CAMTA1: variants seen among roughly 807,000 people sequenced by gnomAD.
CAMTA1 encodes the protein calmodulin binding transcription activator 1.
A neutral mutation model predicts 170.9 loss-of-function variants in CAMTA1; 27 were observed. The observed-to-expected ratio is 0.16, with a 90% CI of 0.12 to 0.22. The LOEUF (loss-of-function observed/expected upper bound fraction) is 0.22, where lower values mean the gene tolerates loss of function less well. Ranked by LOEUF, CAMTA1 falls within the 10% of genes least tolerant of loss-of-function variation. The pLI is 1.00. For missense variants in CAMTA1, 1,619 were observed against 2,217.2 expected, an observed-to-expected ratio of 0.73 and a Z score of 5.42; for synonymous variants, 833 against 891.5, an observed-to-expected ratio of 0.93 and a Z score of 1.17.
At chr1:7,451,931 A>G (rs2092834471) in intron 5 of CAMTA1, among the ~76,000 whole-genome samples, 1 of 152,224 alleles carries the variant, frequency 6.6e-6, no homozygotes, top group Non-Finnish European at 1.5e-5. Context: ...ACAAGGAGTC[A>G]GCAGCCTCAT....
rs1373728149 is a variant in CAMTA1 at position 7,570,414 on chromosome 1, A to C, written c.511-69986A>C. Among the ~76,000 whole-genome samples, 1 of 152,204 alleles carries C rather than the reference A, an allele frequency of 6.6e-6. No individual in the cohort carries two copies. Among genetic ancestry groups the C allele is most frequent in the African/African-American group, 2.4e-5 (1 of 41,464 alleles). ...GGTGGAGGGAGGAAGCACGGGGAGG[A>C]GGAAGCCAGGGGCAAACCCGGACCA... On this transcript the variant is annotated intron_variant, in intron 6 of 22. Coordinates refer to ENST00000303635, the MANE Select transcript of CAMTA1 (RefSeq NM_015215.4). The surrounding 1 kb of genome is among the most constrained non-coding windows in gnomAD (Gnocchi z 4.3).
rs2096926581 is a variant in CAMTA1 at position 7,755,629 on chromosome 1, T to C, written c.4959-9T>C. ...TAATAGCTCTCTGGTGTTGTTTTACTGTCTAAAGCCCCCTGGTGGACCATA... is the reference window on the plus strand; with the variant it reads ...TAATAGCTCTCTGGTGTTGTTTTACCGTCTAAAGCCCCCTGGTGGACCATA... On this transcript the variant is annotated splice_polypyrimidine_tract_variant and intron_variant, in intron 21 of 22. Coordinates refer to ENST00000303635, the MANE Select transcript of CAMTA1 (RefSeq NM_015215.4). 1 of 1,612,516 alleles carries C rather than the reference T, an allele frequency of 6.2e-7. No individual in the cohort carries two copies. Among genetic ancestry groups the C allele is most frequent in the Non-Finnish European group, 8.5e-7 (1 of 1,178,726 alleles).
intron 6 of CAMTA1, among the ~76,000 whole-genome samples, chr1:7,554,052 G>A (rs188853806): frequency 3.9e-5 from 6 of 152,262 alleles, no homozygotes; most frequent in Admixed American, 1.3e-4. Flanking sequence ...CACACTGCAG[G>A]GAAGTGTCTG....
intron 6 of CAMTA1, among the ~76,000 whole-genome samples, chr1:7,563,315 G>T (rs1292968319): frequency 6.6e-6 from 1 of 152,192 alleles, no homozygotes; most frequent in Non-Finnish European, 1.5e-5. Context: ...TTACGGAGAG[G>T]CAGGGATGGG....
chr1:7,191,673 C>G (rs926348496), intron 4 of CAMTA1, among the ~76,000 whole-genome samples: 1 of 152,160 alleles, frequency 6.6e-6, no homozygotes, highest in African/African-American at 2.4e-5. Context: ...GTAATTTTCT[C>G]CACATCTGGT....
At chr1:7,331,306 A>AT in intron 5 of CAMTA1, among the ~76,000 whole-genome samples, 1 of 152,242 alleles carries the variant, frequency 6.6e-6, no homozygotes, top group East Asian at 1.9e-4. Flanking sequence ...GAGCGAGCCT[A>AT]TGGGGCCATC....
At chr1:7,141,875 G>A (rs114007970) in intron 4 of CAMTA1, among the ~76,000 whole-genome samples, 4 of 152,114 alleles carry the variant, frequency 2.6e-5, no homozygotes, top group Admixed American at 6.5e-5. Flanking sequence ...GGAACTTATG[G>A]ATCATCTCAT....
At chr1:7,274,867 C>T (rs770766982) in intron 5 of CAMTA1, among the ~76,000 whole-genome samples, 7 of 151,964 alleles carry the variant, frequency 4.6e-5, no homozygotes, top group South Asian at 2.1e-4. Flanking sequence ...ATTGGCTGAG[C>T]GTGGTGGCTC....
intron 4 of CAMTA1, among the ~76,000 whole-genome samples, chr1:7,154,954 G>A (rs919626494): frequency 7.2e-5 from 11 of 152,202 alleles, no homozygotes; most frequent in African/African-American, 2.2e-4. Context: ...CAGCCTCTGC[G>A]TGTGCACATC....
chr1:7,427,583 A>G (rs1474736234), intron 5 of CAMTA1, among the ~76,000 whole-genome samples: 1 of 152,238 alleles, frequency 6.6e-6, no homozygotes, highest in East Asian at 1.9e-4. Flanking sequence ...GTCGAAGGTC[A>G]AATCCTTCCC....
At chr1:6,785,683 G>A in intron 1 of CAMTA1, 108 bp downstream of exon 1, 1 of 148,328 alleles carries the variant, frequency 6.7e-6, no homozygotes, top group Non-Finnish European at 1.4e-5. Flanking sequence ...GCGGGGGCGC[G>A]GCGGGCGGGC....
intron 6 of CAMTA1, among the ~76,000 whole-genome samples, chr1:7,583,445 A>ATGAAAGGAAGGTGTGACTAACTGC (rs2095279383): frequency 6.6e-6 from 1 of 152,106 alleles, no homozygotes; most frequent in African/African-American, 2.4e-5. Flanking sequence ...TTTTGGCTCA[A>ATGAAAGGAAGGTGTGACTAACTGC]TGAAAGGAAG....
chr1:6,822,978 A>G (rs1350546762), intron 2 of CAMTA1, among the ~76,000 whole-genome samples: 4 of 152,150 alleles, frequency 2.6e-5, no homozygotes, highest in African/African-American at 9.7e-5. Flanking sequence ...TTGTACTTCA[A>G]ACTGATAGCT....
At chr1:6,841,876 A>C (rs1486110070) in intron 3 of CAMTA1, among the ~76,000 whole-genome samples, 1 of 152,190 alleles carries the variant, frequency 6.6e-6, no homozygotes, top group Non-Finnish European at 1.5e-5. Context: ...GGGTCAGTGG[A>C]CAGGATCCTT....
chr1:7,158,748 A>T (rs1647036305), intron 4 of CAMTA1, among the ~76,000 whole-genome samples: 1 of 152,222 alleles, frequency 6.6e-6, no homozygotes, highest in Non-Finnish European at 1.5e-5. Context: ...GATTTTCTGT[A>T]TGTTTGATAG....
In CAMTA1 at chr1:7,220,615, C is replaced by T. The variant is rs988208834; in HGVS notation, c.303-28876C>T. Among the ~76,000 whole-genome samples, 3 of 152,282 alleles carry T rather than the reference C, an allele frequency of 2.0e-5. No individual in the cohort carries two copies. The East Asian group carries it at 5.8e-4, about 29-fold the overall frequency. ...CTGTGGGTTCCAGAAAAAGGGACCACCTCGGCTCTGTGGCTTTGGATCTCT... is the reference window on the plus strand; with the variant it reads ...CTGTGGGTTCCAGAAAAAGGGACCATCTCGGCTCTGTGGCTTTGGATCTCT... On this transcript the variant is annotated intron_variant, in intron 4 of 22. Transcript: ENST00000303635.
At chr1:6,820,098 G>C in intron 1 of CAMTA1, 83 bp from the exon 2 acceptor site, 1 of 822,532 alleles carries the variant, frequency 1.2e-6, no homozygotes, top group Non-Finnish European at 2.1e-6. Flanking sequence ...TTCAGGTTTT[G>C]CATCTTGGCA....
intron 3 of CAMTA1, among the ~76,000 whole-genome samples, chr1:6,850,927 CCT>C (rs1190574921): frequency 2.0e-5 from 3 of 152,222 alleles, no homozygotes; most frequent in Admixed American, 6.5e-5. Context: ...AGCTCCAGAC[CCT>C]CTCAGTTCCT....
chr1:7,568,313 A>G (rs1390590962), intron 6 of CAMTA1, among the ~76,000 whole-genome samples: 1 of 134,622 alleles, frequency 7.4e-6, no homozygotes, highest in Admixed American at 6.9e-5. Flanking sequence ...CACCACCACC[A>G]TCCCTCATCA....
Sources: gnomAD v4.1 joint callset for allele counts (sites outside exome capture counted in the v4.1 genomes callset) on GRCh38, gnomAD v4.1.1 for gene constraint, Gnocchi (gnomAD v3.1) non-coding constraint, MANE v1.5 for transcripts, NCBI Gene and HGNC (gene_info 2026-07-23, HGNC 2026-07-21) for gene names.